Variants in ATAD2 observed in about 807,000 individuals in gnomAD.
ATAD2 encodes the protein ATPase family AAA domain-containing protein 2.
Under a neutral mutation model 168.9 loss-of-function variants are expected in ATAD2, and 62 were observed. The observed-to-expected ratio is 0.37, with a 90% CI of 0.30 to 0.45. The LOEUF (loss-of-function observed/expected upper bound fraction) is 0.45, where lower values mean the gene tolerates loss of function less well. Among genes scored for constraint, ATAD2 ranks in the 20% least tolerant of loss-of-function variants. ATAD2 has a pLI of 1.00. For synonymous variants in ATAD2, 613 were observed against 571.6 expected (o/e 1.07, Z -1.03); for missense variants, 1,419 against 1,667.8 (o/e 0.85, Z 2.60).
intron 1 of ATAD2, among the ~76,000 whole-genome samples, chr8:123,405,251 T>C (rs1813053483): frequency 1.1e-5 from 1 of 94,486 alleles, no homozygotes; most frequent in African/African-American, 3.6e-5. Context: ...TTTTTCATTT[T>C]CTTTCTTTCT....
chr8:123,328,137 A>G, intron 25 of ATAD2, 53 bp downstream of exon 25: 1 of 1,306,824 alleles, frequency 7.7e-7, no homozygotes, highest in Admixed American at 3.5e-5. Context: ...GTGTTTAGAA[A>G]CTTTGAAATA....
At chr8:123,359,743 A>G in intron 9 of ATAD2, 58 bp from the exon 10 acceptor site, 2 of 1,175,338 alleles carry the variant, frequency 1.7e-6, no homozygotes, top group Non-Finnish European at 2.4e-6. Context: ...TCCTTCCCAA[A>G]TTCCATGTTT....
In ATAD2 at chr8:123,361,546, T is replaced by C. The variant is rs750708385; in HGVS notation, c.1150A>G (p.Ile384Val). The C allele has an allele frequency of 1.9e-6, 3 of 1,611,932 alleles. No individual in the cohort carries two copies. The highest frequency in any genetic ancestry group is 1.3e-5 in the African/African-American group (1 of 75,014). ...CATCAATATGGCACTTACCTATTGATAGCCCTATTACGACTCCTTTTCCTC... is the reference window on the plus strand; with the variant it reads ...CATCAATATGGCACTTACCTATTGACAGCCCTATTACGACTCCTTTTCCTC... ...RRRKRSRNRA[I>V]NRCLPLNFRK... Residue 384 changes from isoleucine (I) to valine (V), a missense_variant, in exon 9 of 28, where the codon ATC becomes GTC. Physicochemically the swap from Ile to Val is conservative, Grantham distance 29. This residue lies in a region of ATAD2 where 146 missense variants were observed against 188.3 expected (regional missense o/e 0.78). Coordinates refer to ENST00000287394, the MANE Select transcript of ATAD2 (RefSeq NM_014109.4).
chr8:123,400,482 G>A (rs1337708086), upstream of ATAD2: 2 of 376,038 alleles, frequency 5.3e-6, no homozygotes, highest in South Asian at 2.1e-5. This position sits in a 1 kb window ranked among gnomAD's most constrained non-coding sequence, Gnocchi z 4.5. Context: ...CCATTCGGGG[G>A]AACATAGTGA....
rs763830616 is a variant in ATAD2, at chr8:123,328,463, C to G, written c.3595G>C (p.Glu1199Gln). 6.2e-7 allele frequency: 1 copy of G among 1,609,522 alleles called. No individual in the cohort carries two copies. Among genetic ancestry groups the G allele is most frequent in the South Asian group, 1.1e-5 (1 of 89,460 alleles). Residue 1199 changes from glutamate (E) to glutamine (Q), a missense_variant, in exon 25 of 28, where the codon GAG becomes CAG. Physicochemically the swap from Glu to Gln is conservative, Grantham distance 29. This residue lies in a region of ATAD2 where 303 missense variants were observed against 304.3 expected (regional missense o/e 1.00). Transcript: ENST00000287394. ...DSQNAIDHKI[E>Q]SDTEETQDTS... ...TCTTGAGTTTCCTCTGTATCACTCT[C>G]AATTTTGTGATCTATGGCATTCTGG...
At chr8:123,405,658 C>T (rs1353266928) in intron 1 of ATAD2, among the ~76,000 whole-genome samples, 1 of 152,232 alleles carries the variant, frequency 6.6e-6, no homozygotes, top group Non-Finnish European at 1.5e-5. Flanking sequence ...ATGTAGCATA[C>T]TGTACACTCT....
chr8:123,322,877 T>G (rs1310978626), intron 27 of ATAD2, 61 bp downstream of exon 27: 1 of 1,519,374 alleles, frequency 6.6e-7, no homozygotes, highest in East Asian at 2.3e-5. Flanking sequence ...CAATCCTACA[T>G]AAGTGATATA....
In ATAD2 at chr8:123,380,889, G is replaced by T. The variant is rs915131727; in HGVS notation, c.172-212C>A. On this transcript the variant is annotated intron_variant, in intron 1 of 27. Coordinates refer to ENST00000287394, the MANE Select transcript of ATAD2 (RefSeq NM_014109.4). Reference sequence around the variant, plus strand: ...AATGTCTATGAAGCAGCTAATATAAGATTTACTGGTTTATAGTTCATAACA... The same window carrying T: ...AATGTCTATGAAGCAGCTAATATAATATTTACTGGTTTATAGTTCATAACA... 1.5e-5 allele frequency: 8 copies of T among 525,806 alleles called. No individual in the cohort carries two copies. In the African/African-American group the frequency reaches 1.5e-4, roughly 10 times the overall value. 32.6% of individuals were successfully genotyped at this position (525,806 alleles called of 1,614,324 possible). A position where few individuals can be genotyped will look rare whatever the true frequency, so the allele number is the denominator to read the frequency against.
intron 13 of ATAD2, among the ~76,000 whole-genome samples, chr8:123,354,494 T>A (rs1204790000): frequency 2.6e-5 from 4 of 151,972 alleles, no homozygotes; most frequent in African/African-American, 9.7e-5. Flanking sequence ...TCACCTAAAG[T>A]CAGGAGTTCA....
chr8:123,374,179 TAAAAACAA>T (rs1563857560), intron 2 of ATAD2, among the ~76,000 whole-genome samples: 1 of 151,946 alleles, frequency 6.6e-6, no homozygotes, highest in Admixed American at 6.6e-5. Context: ...CATCTCTAGT[TAAAAACAA>T]ACAAACAAAC....
chr8:123,383,809 C>T (rs1046350288), intron 1 of ATAD2, among the ~76,000 whole-genome samples: 2 of 151,016 alleles, frequency 1.3e-5, no homozygotes, highest in Non-Finnish European at 1.5e-5. Flanking sequence ...CTAGGCCAGG[C>T]GTGGTAGCTC....
rs180731410 is a variant in ATAD2, at chr8:123,395,585, C to T, written c.171+602G>A. 1.0e-3 allele frequency among the ~76,000 whole-genome samples: 154 copies of T among 152,288 alleles called. 1 individual carries two copies. In the South Asian group the frequency reaches 0.024, roughly 24 times the overall value. ...ATCTGTCAAAGAGATAGCACAACTA[C>T]GCATTCTCAAAGGGTTATGACGAGG... On this transcript the variant is annotated intron_variant, in intron 1 of 27. Coordinates refer to ENST00000287394, the MANE Select transcript of ATAD2 (RefSeq NM_014109.4).
intron 5 of ATAD2, 79 bp from the exon 6 acceptor site, chr8:123,371,069 T>C: frequency 2.4e-6 from 3 of 1,228,344 alleles, no homozygotes; most frequent in Non-Finnish European, 3.3e-6. Context: ...CCAATCTTGT[T>C]TAAAATTAAG....
chr8:123,383,597 C>T (rs961432698), intron 1 of ATAD2, among the ~76,000 whole-genome samples: 2 of 151,584 alleles, frequency 1.3e-5, no homozygotes, highest in African/African-American at 4.9e-5. Flanking sequence ...CATGGAGAAA[C>T]CCTGTCTCTA....
intron 27 of ATAD2, 34 bp downstream of exon 27, chr8:123,322,898 CACAAGA>C: frequency 6.3e-7 from 1 of 1,592,630 alleles, no homozygotes; most frequent in South Asian, 1.1e-5. Flanking sequence ...TTAATGTGAC[CACAAGA>C]GCATTTGTAA....
At chr8:123,407,206 G>T (rs946462344) in intron 1 of ATAD2, among the ~76,000 whole-genome samples, 1 of 152,184 alleles carries the variant, frequency 6.6e-6, no homozygotes, top group Non-Finnish European at 1.5e-5. Flanking sequence ...AATCAACCTG[G>T]CTGACGCTTT....
At chr8:123,364,146 C>A (rs575536035) in intron 8 of ATAD2, among the ~76,000 whole-genome samples, 39 of 152,146 alleles carry the variant, frequency 2.6e-4, no homozygotes, top group African/African-American at 8.7e-4. Flanking sequence ...ATTTTAAATG[C>A]TTTACATGTA....
chr8:123,337,917 C>A, intron 20 of ATAD2, 96 bp from the exon 21 acceptor site: 4 of 1,166,660 alleles, frequency 3.4e-6, no homozygotes, highest in Non-Finnish European at 4.7e-6. Context: ...GAGGGATTAT[C>A]TTCCTCATAT....
At chr8:123,332,919 TTC>T (rs565659408) in intron 24 of ATAD2, among the ~76,000 whole-genome samples, 85 of 152,252 alleles carry the variant, frequency 5.6e-4, no homozygotes, top group Admixed American at 2.3e-3. Context: ...GCTAATTTTC[TTC>T]TCTTATCTTT....
Sources: gnomAD v4.1 joint callset for allele counts (sites outside exome capture counted in the v4.1 genomes callset) on GRCh38, gnomAD v4.1.1 for gene constraint, gnomAD v4.1.1 regional missense constraint, Gnocchi (gnomAD v3.1) non-coding constraint, MANE v1.5 for transcripts, NCBI Gene and HGNC (gene_info 2026-07-23, HGNC 2026-07-21) for gene names.